Variants in ZNF883 observed in about 807,000 individuals in gnomAD.
The protein encoded by ZNF883 is zinc finger protein 883.
rs762860368 is a variant in ZNF883, at chr9:112,997,713, A to G, written n.547T>C. On this transcript the variant is annotated non_coding_transcript_exon_variant, in exon 1 of 1. Transcript: ENST00000639662. ...CAAAAAACTTTCCGACATTGCTTACACTGGTAGGATTTTTCCTCAGAATGA... is the reference window on the plus strand; with the variant it reads ...CAAAAAACTTTCCGACATTGCTTACGCTGGTAGGATTTTTCCTCAGAATGA... 24 of 1,613,602 alleles carry G rather than the reference A, an allele frequency of 1.5e-5. No individual in the cohort carries two copies. The Admixed American group carries it at 2.0e-4, about 13-fold the overall frequency.
chr9:112,988,335 C>G (rs2118592489), intron 1 of ZNF883, among the ~76,000 whole-genome samples: 1 of 147,622 alleles, frequency 6.8e-6, no homozygotes, highest in South Asian at 2.1e-4. Flanking sequence ...GTGTATTGTT[C>G]CTCTCCCTGT....
At position 112,988,178 on chromosome 9, in the gene ZNF883, G is replaced by A. The variant is rs556170880; in HGVS notation, n.310-4599C>T. Among the ~76,000 whole-genome samples, 4 of 152,218 alleles carry A rather than the reference G, an allele frequency of 2.6e-5. No homozygotes were observed. The East Asian group carries it at 7.7e-4, about 29-fold the overall frequency. On this transcript the variant is annotated intron_variant and non_coding_transcript_variant, in intron 1 of 9. Transcript: ENST00000638823. ...TAATTTTAAGTTCTAGGATACATGT[G>A]CAGGACATGCAGGTTTGTTACATAA... is the stretch of plus-strand genomic sequence containing the variant.
At chr9:113,011,999 A>T (rs1587899302) in intron 1 of ZNF883, among the ~76,000 whole-genome samples, 151 bp downstream of exon 1, 1 of 151,728 alleles carries the variant, frequency 6.6e-6, no homozygotes, top group African/African-American at 2.4e-5. Context: ...TGAACCAAAT[A>T]CCCAGCCTGA....
chr9:112,989,837 C>T (rs1828284567), intron 1 of ZNF883, among the ~76,000 whole-genome samples: 1 of 152,112 alleles, frequency 6.6e-6, no homozygotes, highest in Non-Finnish European at 1.5e-5. Flanking sequence ...TCCTTCACTT[C>T]CCTTGTTATC....
Position 112,997,966 on chromosome 9 carries a change from CT to C in ZNF883, n.293del, listed in dbSNP as rs775578899. 7.4e-6 allele frequency: 12 copies of C among 1,613,666 alleles called. 1 individual carries two copies. In the South Asian group the frequency reaches 1.3e-4, roughly 18 times the overall value. ...TAAAGGTTTTTTCACATTCATTACA[CT>C]CATAAGGTTTCTCCCCAGTATGGAC... On this transcript the variant is annotated non_coding_transcript_exon_variant, in exon 1 of 1. Coordinates refer to ENST00000639662, the Ensembl canonical transcript of ZNF883.
chr9:113,005,919 A>G (rs1828469730), intron 2 of ZNF883, among the ~76,000 whole-genome samples: 1 of 152,078 alleles, frequency 6.6e-6, no homozygotes, highest in Admixed American at 6.6e-5. Context: ...TTGATTCCCA[A>G]TTCTGTAGTC....
At chr9:112,990,291 A>G (rs1828289664) in intron 1 of ZNF883, among the ~76,000 whole-genome samples, 1 of 152,336 alleles carries the variant, frequency 6.6e-6, no homozygotes, top group South Asian at 2.1e-4. Context: ...ATGTTCCATC[A>G]AAACCTAGTT....
chr9:113,000,469 A>G (rs1010365814), upstream of ZNF883, among the ~76,000 whole-genome samples: 1 of 152,180 alleles, frequency 6.6e-6, no homozygotes, highest in Non-Finnish European at 1.5e-5. Context: ...AATGAATAAA[A>G]GAACAATGGT....
At chr9:112,997,448 CCA>C (rs1828373560) in exon 1 of ZNF883, 1 of 1,613,938 alleles carries the variant, frequency 6.2e-7, no homozygotes, top group Admixed American at 1.7e-5. Context: ...GAAGGTTTTT[CCA>C]CATTCTTTAC....
intron 2 of ZNF883, among the ~76,000 whole-genome samples, chr9:113,005,583 CTTA>C (rs1828466947): frequency 1.3e-5 from 2 of 152,138 alleles, no homozygotes; most frequent in Admixed American, 6.5e-5. Context: ...TTTGTATTTA[CTTA>C]TTATAAAGTC....
chr9:113,009,488 C>T (rs1828510238), intron 2 of ZNF883, among the ~76,000 whole-genome samples: 1 of 151,962 alleles, frequency 6.6e-6, no homozygotes. Flanking sequence ...CCCTCCCCTC[C>T]CCAAGTATCT....
intron 2 of ZNF883, among the ~76,000 whole-genome samples, chr9:113,003,609 C>T (rs1828447427): frequency 6.7e-6 from 1 of 150,302 alleles, no homozygotes; most frequent in Non-Finnish European, 1.5e-5. Flanking sequence ...GGAAATGATG[C>T]TATATTTAAG....
chr9:113,003,169 G>T (rs377483657), upstream of ZNF883, among the ~76,000 whole-genome samples: 13 of 152,322 alleles, frequency 8.5e-5, 1 homozygote, highest in Admixed American at 3.3e-4. Context: ...GGAGATAACT[G>T]AATCATGGGC....
chr9:112,995,523 TCTTTCCTA>T (rs1341377064), downstream of ZNF883, among the ~76,000 whole-genome samples: 2 of 151,920 alleles, frequency 1.3e-5, no homozygotes, highest in East Asian at 3.9e-4. Flanking sequence ...CCTCTCTCTC[TCTTTCCTA>T]CTTTCCTTTC....
chr9:113,010,842 C>T (rs1197523079), intron 2 of ZNF883, among the ~76,000 whole-genome samples: 1 of 151,710 alleles, frequency 6.6e-6, no homozygotes, highest in Non-Finnish European at 1.5e-5. Context: ...AAAAATTAGC[C>T]GGGCGTGGTG....
At chr9:113,011,467 C>T (rs1170350978) in intron 1 of ZNF883, among the ~76,000 whole-genome samples, 1 of 152,194 alleles carries the variant, frequency 6.6e-6, no homozygotes, top group African/African-American at 2.4e-5. Context: ...CCGAGTGCAC[C>T]AGCTCCCTCT....
chr9:112,996,789 TCAAAA>T (rs1336802397), downstream of ZNF883, among the ~76,000 whole-genome samples: 247 of 28,248 alleles, frequency 8.7e-3, 4 homozygotes, highest in East Asian at 0.022. Context: ...AGACTCCGTC[TCAAAA>T]AAAAAAAAAA....
chr9:112,998,539 G>A (rs1828389307), upstream of ZNF883: 1 of 261,686 alleles, frequency 3.8e-6, no homozygotes, highest in Non-Finnish European at 7.1e-6. Context: ...GGGAAACTGT[G>A]GTCAAAAATA....
At chr9:113,006,987 A>G (rs1828484444) in intron 2 of ZNF883, among the ~76,000 whole-genome samples, 2 of 152,188 alleles carry the variant, frequency 1.3e-5, no homozygotes, top group Admixed American at 6.5e-5. Flanking sequence ...CGAGGTCAGG[A>G]GTTCAAGACC....
Sources: gnomAD v4.1 joint callset for allele counts (sites outside exome capture counted in the v4.1 genomes callset) on GRCh38, gnomAD v4.1.1 for gene constraint, MANE v1.5 for transcripts, NCBI Gene and HGNC (gene_info 2026-07-23, HGNC 2026-07-21) for gene names.